The following SH3D19 variants were observed in gnomAD, a reference collection of about 807,000 sequenced individuals.
SH3D19 encodes the protein SH3 domain containing 19, also known as SH3 domain-containing protein 19.
Under a neutral mutation model 112.1 loss-of-function variants are expected in SH3D19, and 58 were observed. That is an observed-to-expected ratio of 0.52 (90% confidence interval 0.42 to 0.64). SH3D19 has a LOEUF of 0.64. SH3D19 is among the 30% of genes least tolerant of loss of function. SH3D19 has a pLI of 0.00. For synonymous variants in SH3D19, 391 were observed against 448.5 expected (o/e 0.87, Z 1.62); for missense variants, 1,090 against 1,263.4 (o/e 0.86, Z 2.08).
At chr4:151,163,356 A>C (rs936778663) in intron 8 of SH3D19, among the ~76,000 whole-genome samples, 1 of 152,216 alleles carries the variant, frequency 6.6e-6, no homozygotes, top group East Asian at 1.9e-4. Flanking sequence ...ACAACAGATG[A>C]ATAAATTTAA....
At chr4:151,170,041 G>T (rs1168721885) in intron 7 of SH3D19, among the ~76,000 whole-genome samples, 1 of 152,150 alleles carries the variant, frequency 6.6e-6, no homozygotes, top group Non-Finnish European at 1.5e-5. Flanking sequence ...AGTCATAAAT[G>T]TCATTGTTTT....
At chr4:151,318,012 G>C (rs1373610408) in intron 1 of SH3D19, among the ~76,000 whole-genome samples, 2 of 149,018 alleles carry the variant, frequency 1.3e-5, no homozygotes, top group Non-Finnish European at 3.0e-5. Flanking sequence ...GAAAATAAAA[G>C]ATAGGCCGGG....
chr4:151,265,020 G>A (rs370090618), intron 1 of SH3D19, among the ~76,000 whole-genome samples: 2 of 152,014 alleles, frequency 1.3e-5, no homozygotes, highest in South Asian at 2.1e-4. Flanking sequence ...TAAAATCATT[G>A]TTTAAAAATG....
At chr4:151,281,168 G>T (rs1446526124) in intron 1 of SH3D19, among the ~76,000 whole-genome samples, 1 of 152,162 alleles carries the variant, frequency 6.6e-6, no homozygotes, top group Non-Finnish European at 1.5e-5. Context: ...CCAAAAAAAA[G>T]ATAGTATTGA....
intron 1 of SH3D19, among the ~76,000 whole-genome samples, chr4:151,324,991 G>A (rs1730908952): frequency 6.6e-6 from 1 of 152,130 alleles, no homozygotes; most frequent in South Asian, 2.1e-4. Context: ...TGGATTTAGT[G>A]TGCACGGAAA....
chr4:151,231,084 C>T (rs1769570797), intron 1 of SH3D19, among the ~76,000 whole-genome samples: 2 of 152,050 alleles, frequency 1.3e-5, no homozygotes, highest in African/African-American at 4.8e-5. Context: ...TTCCTTGGGG[C>T]TGAAAACAAA....
chr4:151,173,942 A>G (rs1049439195), intron 7 of SH3D19, among the ~76,000 whole-genome samples: 1 of 152,352 alleles, frequency 6.6e-6, no homozygotes, highest in African/African-American at 2.4e-5. Flanking sequence ...AAGCTTTACC[A>G]TCACACTCTC....
intron 1 of SH3D19, among the ~76,000 whole-genome samples, chr4:151,250,524 G>A (rs1477601909): frequency 1.5e-5 from 2 of 134,412 alleles, no homozygotes; most frequent in East Asian, 4.0e-4. Context: ...GAGAGAGAGA[G>A]AGAGATCTGG....
chr4:151,252,580 G>C (rs1771502527), intron 1 of SH3D19, among the ~76,000 whole-genome samples: 1 of 152,034 alleles, frequency 6.6e-6, no homozygotes, highest in Non-Finnish European at 1.5e-5. Flanking sequence ...CACTCCATAG[G>C]GGACCTAATC....
rs192786660 is a variant in SH3D19 at position 151,313,573 on chromosome 4, C to T, written c.112+11668G>A. Among the ~76,000 whole-genome samples, 564 of 152,212 alleles carry T rather than the reference C, an allele frequency of 3.7e-3. 4 individuals are homozygous for T. Among genetic ancestry groups the T allele is most frequent in the Non-Finnish European group, 6.6e-3 (452 of 68,004 alleles). ...CTGGGACTACAGGCACACACCACTG[C>T]GCCCACCTAACGTATTTTATTTTTT... On this transcript the variant is annotated intron_variant, in intron 1 of 19. Transcript: ENST00000604030.
At chr4:151,162,720 G>A (rs903850427) in intron 8 of SH3D19, among the ~76,000 whole-genome samples, 4 of 150,250 alleles carry the variant, frequency 2.7e-5, no homozygotes, top group South Asian at 2.1e-4. Context: ...TCAGCCAAGC[G>A]CATGCCACCA....
At chr4:151,141,286 T>C (rs1380824453) in intron 12 of SH3D19, among the ~76,000 whole-genome samples, 1 of 151,934 alleles carries the variant, frequency 6.6e-6, no homozygotes, top group African/African-American at 2.4e-5. Context: ...CTACCATGCC[T>C]GGCTAATTTT....
chr4:151,323,181 A>G (rs1382929770), intron 1 of SH3D19, among the ~76,000 whole-genome samples: 1 of 152,216 alleles, frequency 6.6e-6, no homozygotes. Flanking sequence ...GAGAGAAGGA[A>G]GAGTTCACAG....
chr4:151,306,716 T>A (rs116165838), intron 1 of SH3D19, among the ~76,000 whole-genome samples: 309 of 152,350 alleles, frequency 2.0e-3, no homozygotes, highest in African/African-American at 7.1e-3. Context: ...ATGTAAGTAC[T>A]CATCATTAAA....
At chr4:151,284,967 G>C (rs1722809913) in intron 1 of SH3D19, among the ~76,000 whole-genome samples, 1 of 152,108 alleles carries the variant, frequency 6.6e-6, no homozygotes, top group African/African-American at 2.4e-5. Flanking sequence ...ATATTTCCCT[G>C]CACTTTCCAA....
rs771449659 is a variant in SH3D19 at position 151,147,970 on chromosome 4, C to A, written c.2034G>T (p.Val678=). 9.9e-6 allele frequency: 16 copies of A among 1,613,984 alleles called. No individual in the cohort carries two copies. Among genetic ancestry groups the A allele is most frequent in the Non-Finnish European group, 7.6e-6 (9 of 1,179,994 alleles). The change falls in exon 11 of 20, where the codon GTG becomes GTT. Residue 678 remains valine, a synonymous_variant. Coordinates refer to ENST00000604030, the MANE Select transcript of SH3D19 (RefSeq NM_001378122.1). ...KSQVFKNQDP[V]LPPRPKPGHP... ...GTCCTGGTTTGGGACGAGGGGGTAG[C>A]ACCGGATCTTGATTTTTAAAAACTT...
At chr4:151,125,620 G>A (rs757471803) in intron 19 of SH3D19, among the ~76,000 whole-genome samples, 1 of 151,970 alleles carries the variant, frequency 6.6e-6, no homozygotes, top group Non-Finnish European at 1.5e-5. Context: ...TTTGGAGGCT[G>A]AGGCAGGCAG....
chr4:151,311,599 G>A (rs1159589227), intron 1 of SH3D19, among the ~76,000 whole-genome samples: 1 of 151,940 alleles, frequency 6.6e-6, no homozygotes, highest in Non-Finnish European at 1.5e-5. Flanking sequence ...AGCACTTTGG[G>A]AGGCCAAAGT....
At chr4:151,270,021 C>T (rs748706670) in intron 1 of SH3D19, among the ~76,000 whole-genome samples, 1 of 151,986 alleles carries the variant, frequency 6.6e-6, no homozygotes, top group Non-Finnish European at 1.5e-5. Flanking sequence ...TTGCAGAATA[C>T]TTCCTGACAG....
Sources: gnomAD v4.1 joint callset for allele counts (sites outside exome capture counted in the v4.1 genomes callset) on GRCh38, gnomAD v4.1.1 for gene constraint, MANE v1.5 for transcripts, NCBI Gene and HGNC (gene_info 2026-07-23, HGNC 2026-07-21) for gene names.